DPP6: variants seen among roughly 807,000 people sequenced by gnomAD.
DPP6 encodes dipeptidyl peptidase like 6.
Under a neutral mutation model 122.6 loss-of-function variants are expected in DPP6, and 69 were observed. The observed-to-expected ratio is 0.56, with a 90% CI of 0.46 to 0.69. The LOEUF (loss-of-function observed/expected upper bound fraction) is 0.69. DPP6 is among the 30% of genes least tolerant of loss of function. The probability of loss-of-function intolerance (pLI) is 0.00; values close to 1 mark genes in which losing one functional copy is unlikely to be tolerated. For missense variants in DPP6, 928 were observed against 1,116.9 expected (o/e 0.83, Z 2.41); for synonymous variants, 418 against 433.1 (o/e 0.97, Z 0.43).
the DPP6 span, among the ~76,000 whole-genome samples, chr7:153,845,199 A>G: frequency 2.6e-5 from 4 of 152,310 alleles, no homozygotes; most frequent in South Asian, 8.3e-4. Context: ...CTTATAGGTC[A>G]ACCTCGCTTT....
chr7:154,469,545 T>C (rs961911688), intron 2 of DPP6, among the ~76,000 whole-genome samples: 3 of 152,172 alleles, frequency 2.0e-5, no homozygotes, highest in Non-Finnish European at 4.4e-5. Flanking sequence ...TGGGACAGTT[T>C]AATTCAGGAA....
At chr7:154,298,397 T>C (rs1164570360) in intron 1 of DPP6, among the ~76,000 whole-genome samples, 1 of 152,138 alleles carries the variant, frequency 6.6e-6, no homozygotes, top group Admixed American at 6.5e-5. Context: ...TCTAATATTC[T>C]GGAGACACAA....
rs1798230184 is a variant in DPP6 at position 154,184,020 on chromosome 7, A to AT, written c.243+130962dup. Among the ~76,000 whole-genome samples the AT allele has an allele frequency of 2.6e-5, 4 of 152,128 alleles. No homozygotes were observed. The South Asian group carries it at 8.3e-4, about 32-fold the overall frequency. ...TTAAGTGGATAATGGCCAAATCTCTATTTTTCTGAGTAGCCAAACTTAGCG... is the reference window on the plus strand; with the variant it reads ...TTAAGTGGATAATGGCCAAATCTCTATTTTTTCTGAGTAGCCAAACTTAGCG... On this transcript the variant is annotated intron_variant, in intron 1 of 25. Coordinates refer to ENST00000377770, the MANE Select transcript of DPP6 (RefSeq NM_130797.4).
At chr7:154,828,643 A>G (rs1466534242) in intron 16 of DPP6, among the ~76,000 whole-genome samples, 1 of 152,216 alleles carries the variant, frequency 6.6e-6, no homozygotes, top group Admixed American at 6.5e-5. Flanking sequence ...TGTTCTAGTA[A>G]TCGGTATATT....
chr7:154,672,764 T>C (rs1295048366), intron 7 of DPP6, among the ~76,000 whole-genome samples: 1 of 152,242 alleles, frequency 6.6e-6, no homozygotes. Flanking sequence ...GTGAGTACCC[T>C]ATGTGCTGGA....
At chr7:153,754,285 T>C in the DPP6 span, among the ~76,000 whole-genome samples, 2 of 152,208 alleles carry the variant, frequency 1.3e-5, no homozygotes, top group African/African-American at 4.8e-5. Context: ...ATTTTTACTT[T>C]GATTTCATCC....
chr7:154,040,774 G>A (rs539984082), intron 1 of DPP6, among the ~76,000 whole-genome samples: 1 of 152,224 alleles, frequency 6.6e-6, no homozygotes, highest in South Asian at 2.1e-4. Context: ...CTTTAACTGT[G>A]ATTCTTATTC....
chr7:154,792,987 T>C (rs1797783855), intron 10 of DPP6, among the ~76,000 whole-genome samples: 1 of 152,206 alleles, frequency 6.6e-6, no homozygotes, highest in South Asian at 2.1e-4. Flanking sequence ...TAACAAGTTT[T>C]AATTGTGGGA....
At chr7:154,870,461 C>G (rs1192773478) in intron 18 of DPP6, among the ~76,000 whole-genome samples, 1 of 151,490 alleles carries the variant, frequency 6.6e-6, no homozygotes, top group Non-Finnish European at 1.5e-5. Context: ...CAAAAATTAG[C>G]CAGGCGTGAT....
intron 3 of DPP6, among the ~76,000 whole-genome samples, chr7:154,513,563 C>T (rs1038826748): frequency 6.6e-6 from 1 of 152,146 alleles, no homozygotes; most frequent in Non-Finnish European, 1.5e-5. Flanking sequence ...AAAGCAGGAA[C>T]TCTAGGGGTG....
intron 16 of DPP6, among the ~76,000 whole-genome samples, chr7:154,812,942 T>C (rs1238846160): frequency 6.6e-6 from 1 of 152,192 alleles, no homozygotes; most frequent in Non-Finnish European, 1.5e-5. Context: ...TATTTGACAT[T>C]TGTATGCTTA....
chr7:153,870,645 C>T, the DPP6 span, among the ~76,000 whole-genome samples: 1 of 152,234 alleles, frequency 6.6e-6, no homozygotes, highest in Non-Finnish European at 1.5e-5. Context: ...CTTCTTCTCT[C>T]AACTTGTCAA....
chr7:153,784,402 G>C, the DPP6 span, among the ~76,000 whole-genome samples: 3 of 152,166 alleles, frequency 2.0e-5, no homozygotes, highest in African/African-American at 7.2e-5. Context: ...ATTCAGCCTT[G>C]TCCATTAACA....
chr7:153,958,538 A>G (rs1211830444), intron 1 of DPP6, among the ~76,000 whole-genome samples: 1 of 152,142 alleles, frequency 6.6e-6, no homozygotes, highest in Non-Finnish European at 1.5e-5. Flanking sequence ...AGCCCCAGCT[A>G]CACTTGCAGG....
chr7:154,701,136 C>G lies in DPP6; in HGVS notation c.763-26631C>G, dbSNP rs561865534. ...GATCCTCCAGGATCCTCCTGGAGTT[C>G]CCAGGTGAAGGTCAGGCCGCAAGAA... On this transcript the variant is annotated intron_variant, in intron 7 of 25. Transcript: ENST00000377770. Among the ~76,000 whole-genome samples, 133 of 152,206 alleles carry G rather than the reference C, an allele frequency of 8.7e-4. 1 individual carries two copies. The highest frequency in any genetic ancestry group is 1.6e-3 in the Non-Finnish European group (106 of 68,010).
At chr7:154,516,562 T>C (rs1243954666) in intron 3 of DPP6, among the ~76,000 whole-genome samples, 1 of 152,174 alleles carries the variant, frequency 6.6e-6, no homozygotes, top group Admixed American at 6.5e-5. Context: ...CAGGCAAATC[T>C]ATCTGGGAAG....
chr7:154,380,226 G>C (rs911829625), intron 1 of DPP6, among the ~76,000 whole-genome samples: 9 of 152,328 alleles, frequency 5.9e-5, no homozygotes, highest in Admixed American at 2.0e-4. Context: ...TGTGGTAAAA[G>C]AGGGGTAAGA....
At chr7:154,885,790 G>T in intron 22 of DPP6, 46 bp downstream of exon 22, 1 of 1,231,010 alleles carries the variant, frequency 8.1e-7, no homozygotes, top group East Asian at 3.6e-5. Flanking sequence ...CTCCCGCCCC[G>T]CCCCGCCCCC....
chr7:154,503,811 C>T (rs1298810761), intron 3 of DPP6, among the ~76,000 whole-genome samples: 1 of 152,068 alleles, frequency 6.6e-6, no homozygotes, highest in African/African-American at 2.4e-5. Flanking sequence ...GATTAAAACC[C>T]AATGCTTCTG....
Sources: gnomAD v4.1 joint callset for allele counts (sites outside exome capture counted in the v4.1 genomes callset) on GRCh38, gnomAD v4.1.1 for gene constraint, MANE v1.5 for transcripts, NCBI Gene and HGNC (gene_info 2026-07-23, HGNC 2026-07-21) for gene names.